Variants in DMD observed in about 807,000 individuals in gnomAD.
The protein encoded by DMD is mutant dystrophin.
A neutral mutation model predicts 330.1 loss-of-function variants in DMD; 63 were observed. The ratio of observed to expected loss-of-function variants is 0.19; its 90% CI spans 0.16 to 0.24. The LOEUF (loss-of-function observed/expected upper bound fraction) is 0.24, where lower values mean the gene tolerates loss of function less well. Ranked by LOEUF, DMD falls within the 10% of genes least tolerant of loss-of-function variation. DMD has a pLI of 1.00. For missense variants in DMD, 3,344 were observed against 2,684.1 expected, an observed-to-expected ratio of 1.25 and a Z score of -5.43; for synonymous variants, 1,223 against 959.8, an observed-to-expected ratio of 1.27 and a Z score of -5.07.
intron 1 of DMD, among the ~76,000 whole-genome samples, chrX:33,146,826 T>C (rs778493681): frequency 1.0e-3 from 106 of 105,884 alleles, no homozygotes; most frequent in African/African-American, 3.6e-3. Context: ...TTAATAAATC[T>C]TTTTTTTTTC....
At chrX:31,864,131 A>G (rs1260937960) in intron 48 of DMD, among the ~76,000 whole-genome samples, 1 of 111,172 alleles carries the variant, frequency 9.0e-6, no homozygotes, top group Non-Finnish European at 1.9e-5. Context: ...CAGATATTCA[A>G]TTTTCTAAAA....
At chrX:33,220,933 G>A (rs906185183) in intron 1 of DMD, among the ~76,000 whole-genome samples, 3 of 111,830 alleles carry the variant, frequency 2.7e-5, no homozygotes, top group African/African-American at 9.7e-5. Flanking sequence ...TGTAATAGGA[G>A]TTTAGTGATA....
At chrX:32,973,994 A>G (rs1345870884) in intron 2 of DMD, among the ~76,000 whole-genome samples, 2 of 111,701 alleles carry the variant, frequency 1.8e-5, no homozygotes, top group Non-Finnish European at 1.9e-5. Flanking sequence ...GTGACATACA[A>G]AAAGTCTACT....
chrX:32,750,518 C>T (rs1457290735), intron 7 of DMD, among the ~76,000 whole-genome samples: 1 of 111,093 alleles, frequency 9.0e-6, no homozygotes, highest in Non-Finnish European at 1.9e-5. Flanking sequence ...TATTGTATTT[C>T]TTCCCTGTGT....
chrX:31,997,699 A>AT (rs1368024525), intron 44 of DMD, among the ~76,000 whole-genome samples: 1 of 109,880 alleles, frequency 9.1e-6, no homozygotes, highest in East Asian at 2.9e-4. Context: ...ACCAGTTTTC[A>AT]TTATTACTCA....
At chrX:33,243,699 T>A (rs1204189788) in intron 1 of DMD, among the ~76,000 whole-genome samples, 1 of 112,389 alleles carries the variant, frequency 8.9e-6, no homozygotes, top group Non-Finnish European at 1.9e-5. Flanking sequence ...AAACATTATT[T>A]AGCCACAAAA....
Position 31,451,938 on chromosome X carries a change from C to T in DMD, c.8938-7311G>A, listed in dbSNP as rs180988252. 3.0e-3 allele frequency among the ~76,000 whole-genome samples: 335 copies of T among 110,634 alleles called. 3 individuals are homozygous for T. The highest frequency in any genetic ancestry group is 9.9e-3 in the African/African-American group (301 of 30,310). ...GCAGTTTCTTTTCGTTGTCTCCTTC[C>T]GTTCAGTTTTCAGGGCAATTCTTGT... On this transcript the variant is annotated intron_variant, in intron 59 of 78. Coordinates refer to ENST00000357033, the MANE Select transcript of DMD (RefSeq NM_004006.3).
At chrX:32,085,654 G>GTATA (rs375556125) in intron 44 of DMD, among the ~76,000 whole-genome samples, 1 of 75,769 alleles carries the variant, frequency 1.3e-5, no homozygotes, top group East Asian at 4.1e-4. Flanking sequence ...ATATATGTGT[G>GTATA]TATATATACG....
chrX:32,198,950 A>T, intron 44 of DMD, among the ~76,000 whole-genome samples: 1 of 112,682 alleles, frequency 8.9e-6, no homozygotes, highest in Non-Finnish European at 1.9e-5. Flanking sequence ...CAAAGATAAA[A>T]CAGTTTTGCA....
intron 44 of DMD, among the ~76,000 whole-genome samples, chrX:32,029,455 C>A (rs1431362703): frequency 9.0e-6 from 1 of 110,588 alleles, no homozygotes; most frequent in East Asian, 2.9e-4. Flanking sequence ...TAAGGAACAC[C>A]TAAGAATCAG....
intron 2 of DMD, among the ~76,000 whole-genome samples, chrX:32,981,331 G>C (rs2092702916): frequency 8.9e-6 from 1 of 111,745 alleles, no homozygotes; most frequent in Non-Finnish European, 1.9e-5. Context: ...ATTGACTGAT[G>C]ATAGGCCATT....
At chrX:32,576,202 A>AG (rs1212582613) in intron 13 of DMD, among the ~76,000 whole-genome samples, 2 of 111,675 alleles carry the variant, frequency 1.8e-5, no homozygotes, top group Non-Finnish European at 3.8e-5. Flanking sequence ...CTAAAACTGC[A>AG]GGTAGTACAA....
intron 44 of DMD, among the ~76,000 whole-genome samples, chrX:32,066,092 G>T (rs914526008): frequency 1.8e-5 from 2 of 111,235 alleles, no homozygotes; most frequent in Non-Finnish European, 3.8e-5. Flanking sequence ...CTTTGAATCA[G>T]ATTGATTAAC....
At chrX:31,722,862 A>T (rs79584338) in intron 52 of DMD, among the ~76,000 whole-genome samples, 3 of 109,945 alleles carry the variant, frequency 2.7e-5, no homozygotes, top group African/African-American at 9.9e-5. Context: ...CCTGGCCAAC[A>T]TGACGAAACC....
At chrX:32,051,496 T>C (rs1268143362) in intron 44 of DMD, among the ~76,000 whole-genome samples, 1 of 110,143 alleles carries the variant, frequency 9.1e-6, no homozygotes, top group African/African-American at 3.3e-5. Context: ...AAAAATGGCC[T>C]ACTTTTTATG....
chrX:31,184,857 C>G (rs1381710769), intron 67 of DMD, among the ~76,000 whole-genome samples: 12 of 91,848 alleles, frequency 1.3e-4, no homozygotes, highest in South Asian at 6.0e-4. Flanking sequence ...AGTAAACTAT[C>G]GCAAGGACAA....
rs1556652545 is a variant in DMD at position 31,468,993 on chromosome X, C to CA, written c.8937+9112_8937+9113insT. The stretch of plus-strand genomic sequence containing the variant: ...TCTGAGACTAGGATTGCAACCCCTG[C>CA]TTTTTTTTTCTTTCCATTTGCTGCT... On this transcript the variant is annotated intron_variant, in intron 59 of 78. Coordinates refer to ENST00000357033, the MANE Select transcript of DMD (RefSeq NM_004006.3). 3.6e-5 allele frequency among the ~76,000 whole-genome samples: 4 copies of CA among 109,603 alleles called. No homozygotes were observed. In the East Asian group the frequency reaches 1.1e-3, roughly 31 times the overall value.
rs192679140 is a variant in DMD, at chrX:32,799,241, A to G, written c.649+10252T>C. On this transcript the variant is annotated intron_variant, in intron 7 of 78. Transcript: ENST00000357033. ...AGCAGAAAATAGAATCCGTGTCACC[A>G]TTCTCAGGAAGTCAAAATAAAGGGG... Among the ~76,000 whole-genome samples the G allele has an allele frequency of 2.5e-3, 274 of 111,308 alleles. 1 individual carries two copies. The highest frequency in any genetic ancestry group is 2.7e-3 in the Non-Finnish European group (144 of 52,978).
chrX:32,526,599 G>A (rs189861757), intron 17 of DMD, among the ~76,000 whole-genome samples: 16 of 111,212 alleles, frequency 1.4e-4, no homozygotes, highest in Admixed American at 1.1e-3. Flanking sequence ...TCATCCAGTT[G>A]AATTTCCCAT....
Sources: allele counts gnomAD v4.1 joint callset (sites outside exome capture counted in the v4.1 genomes callset), GRCh38; gene constraint gnomAD v4.1.1; transcripts MANE v1.5; gene names NCBI Gene and HGNC (gene_info 2026-07-23, HGNC 2026-07-21).